LARP1B: variants seen among roughly 807,000 people sequenced by gnomAD.
LARP1B encodes the protein la-related protein 1B.
Under a neutral mutation model 114.2 loss-of-function variants are expected in LARP1B, and 76 were observed. The ratio of observed to expected loss-of-function variants is 0.67; its 90% CI spans 0.55 to 0.81. The LOEUF is 0.81. LARP1B is among the 30% of genes least tolerant of loss of function. The pLI, the probability that LARP1B is intolerant of heterozygous loss-of-function variation, is 0.00. For missense variants in LARP1B, 1,014 were observed against 1,075.8 expected (o/e 0.94, Z 0.80); for synonymous variants, 345 against 348.0 (o/e 0.99, Z 0.10).
intron 1 of LARP1B, among the ~76,000 whole-genome samples, chr4:128,073,436 AAAAAAAAAAAAG>A (rs1436518908): frequency 1.3e-5 from 2 of 148,160 alleles, no homozygotes; most frequent in African/African-American, 2.5e-5. Context: ...AAAAAAAAAA[AAAAAAAAAAAAG>A]AAAGAAAGAA....
intron 12 of LARP1B, among the ~76,000 whole-genome samples, chr4:128,165,520 G>T (rs1740409498): frequency 6.6e-6 from 1 of 151,988 alleles, no homozygotes; most frequent in Non-Finnish European, 1.5e-5. Context: ...GGAAGGTAAA[G>T]GATGGGAAAT....
At chr4:128,137,227 T>A (rs578218794) in intron 11 of LARP1B, among the ~76,000 whole-genome samples, 1 of 151,492 alleles carries the variant, frequency 6.6e-6, no homozygotes, top group East Asian at 1.9e-4. Flanking sequence ...AGAGTCCATC[T>A]CAAAAAAAAA....
intron 12 of LARP1B, among the ~76,000 whole-genome samples, chr4:128,169,544 G>A (rs1742619691): frequency 6.6e-6 from 1 of 151,952 alleles, no homozygotes; most frequent in Admixed American, 6.6e-5. Context: ...TTAAGGGAGA[G>A]TTTAAATTAT....
chr4:128,117,317 C>T (rs1405241086), intron 10 of LARP1B, among the ~76,000 whole-genome samples: 1 of 151,808 alleles, frequency 6.6e-6, no homozygotes, highest in Non-Finnish European at 1.5e-5. Context: ...TCAAGAGATT[C>T]TCCTGCCTCA....
chr4:128,079,141 C>T (rs997803756), intron 4 of LARP1B, among the ~76,000 whole-genome samples: 25 of 149,356 alleles, frequency 1.7e-4, no homozygotes, highest in Non-Finnish European at 2.1e-4. Flanking sequence ...GTCACCCAGG[C>T]TGGAGTGCAG....
chr4:128,128,233 A>G (rs1310273402), intron 11 of LARP1B, among the ~76,000 whole-genome samples: 1 of 152,238 alleles, frequency 6.6e-6, no homozygotes, highest in Non-Finnish European at 1.5e-5. Context: ...TTTTCATATG[A>G]CACTAATAGC....
chr4:128,128,476 T>C (rs1561334005), intron 11 of LARP1B, among the ~76,000 whole-genome samples: 1 of 152,184 alleles, frequency 6.6e-6, no homozygotes, highest in Non-Finnish European at 1.5e-5. Context: ...TTAAACATGC[T>C]CAGAGCACTT....
intron 11 of LARP1B, among the ~76,000 whole-genome samples, chr4:128,156,688 G>T (rs538295267): frequency 2.0e-5 from 3 of 152,038 alleles, no homozygotes; most frequent in African/African-American, 2.4e-5. Context: ...CTCCTGAACC[G>T]CACAGCTTGG....
chr4:128,150,576 A>G (rs552316634), intron 11 of LARP1B, among the ~76,000 whole-genome samples: 133 of 152,156 alleles, frequency 8.7e-4, no homozygotes, highest in Non-Finnish European at 1.5e-3. Flanking sequence ...TATAGATGTG[A>G]GCCACTGCAC....
chr4:128,108,289 A>T, intron 9 of LARP1B: 1 of 1,039,256 alleles, frequency 9.6e-7, no homozygotes, highest in Non-Finnish European at 1.2e-6. Flanking sequence ...GCAGAAAAAG[A>T]GGGGATTGAG....
intron 11 of LARP1B, among the ~76,000 whole-genome samples, chr4:128,151,491 C>CT (rs928778734): frequency 1.5e-4 from 23 of 151,094 alleles, no homozygotes; most frequent in Admixed American, 3.3e-4. Flanking sequence ...GTTGTGCTGC[C>CT]TTTTTTTTTC....
At chr4:128,212,852 A>T (rs1759169883), downstream of LARP1B, among the ~76,000 whole-genome samples, 1 of 147,692 alleles carries the variant, frequency 6.8e-6, no homozygotes, top group Admixed American at 6.7e-5. Context: ...CCTTATCAAC[A>T]CCAATTATGA....
intron 5 of LARP1B, among the ~76,000 whole-genome samples, chr4:128,089,590 C>T: frequency 6.6e-6 from 1 of 152,094 alleles, no homozygotes; most frequent in East Asian, 1.9e-4. Flanking sequence ...CCCACCTCAG[C>T]CTCCCAAAGT....
intron 10 of LARP1B, among the ~76,000 whole-genome samples, chr4:128,117,181 G>A (rs2149940521): frequency 6.7e-6 from 1 of 150,250 alleles, no homozygotes; most frequent in East Asian, 2.0e-4. Context: ...GGATTATAGG[G>A]ATGAGCTGCC....
At chr4:128,083,819 C>G (rs1392839340) in intron 5 of LARP1B, among the ~76,000 whole-genome samples, 11 of 151,116 alleles carry the variant, frequency 7.3e-5, no homozygotes, top group African/African-American at 2.7e-4. Flanking sequence ...CCACCTCCCT[C>G]CCGGACGGGG....
rs567127110 is a variant in LARP1B, at chr4:128,150,556, G to C, written c.1525-11638G>C. Among the ~76,000 whole-genome samples, 164 of 152,102 alleles carry C rather than the reference G, an allele frequency of 1.1e-3. 1 individual carries two copies. In the South Asian group the frequency reaches 0.012, roughly 11 times the overall value. ...AATCCTTCCACATCAGCCTCCTGAA[G>C]AGCTGGAATTATAGATGTGAGCCAC... is the stretch of plus-strand genomic sequence containing the variant. On this transcript the variant is annotated intron_variant, in intron 11 of 19. Coordinates refer to ENST00000326639, the MANE Select transcript of LARP1B (RefSeq NM_018078.4).
chr4:128,198,798 G>T (rs933571883), intron 15 of LARP1B, among the ~76,000 whole-genome samples: 1 of 152,166 alleles, frequency 6.6e-6, no homozygotes, highest in African/African-American at 2.4e-5. Flanking sequence ...AAAGAGACTG[G>T]TTAATTCAAG....
intron 11 of LARP1B, among the ~76,000 whole-genome samples, chr4:128,138,311 G>A (rs1726357970): frequency 6.6e-6 from 1 of 152,042 alleles, no homozygotes; most frequent in South Asian, 2.1e-4. Flanking sequence ...TAATTTTAGA[G>A]CAATAAATTT....
chr4:128,211,606 GAAT>G lies in LARP1B; in HGVS notation c.*1558_*1560del. 2 of 965,010 alleles carry G rather than the reference GAAT, an allele frequency of 2.1e-6. No individual in the cohort carries two copies. The highest frequency in any genetic ancestry group is 2.5e-6 in the Non-Finnish European group (2 of 811,420). 59.8% of individuals were successfully genotyped at this position (965,010 alleles called of 1,614,324 possible). ...AGGGTGCAAAACAAGCAATGGGTTA[GAAT>G]AATAGATCTTCAAGTCTTTTCTTAA... On this transcript the variant is annotated 3_prime_UTR_variant, in exon 20 of 20. Transcript: ENST00000326639.
Sources: allele counts gnomAD v4.1 joint callset (sites outside exome capture counted in the v4.1 genomes callset), GRCh38; gene constraint gnomAD v4.1.1; transcripts MANE v1.5; gene names NCBI Gene and HGNC (gene_info 2026-07-23, HGNC 2026-07-21).